MTA3: variants seen among roughly 807,000 people sequenced by gnomAD.
MTA3 encodes the protein metastasis associated 1 family member 3, also known as metastasis-associated protein MTA3.
A neutral mutation model predicts 83.5 loss-of-function variants in MTA3; 34 were observed. The ratio of observed to expected loss-of-function variants is 0.41; its 90% CI spans 0.31 to 0.54. MTA3 has a LOEUF of 0.54. Among genes scored for constraint, MTA3 ranks in the 20% least tolerant of loss-of-function variants. The pLI is 0.33. For synonymous variants in MTA3, 303 were observed against 252.7 expected (o/e 1.20, Z -1.89); for missense variants, 761 against 726.4 (o/e 1.05, Z -0.55).
intron 2 of MTA3, among the ~76,000 whole-genome samples, chr2:42,519,924 C>G (rs566989890): frequency 6.6e-6 from 1 of 152,172 alleles, no homozygotes; most frequent in East Asian, 1.9e-4. Flanking sequence ...TGCCTGTAAT[C>G]CCAGCTACTC....
intron 2 of MTA3, among the ~76,000 whole-genome samples, chr2:42,523,885 C>G (rs535444582): frequency 6.6e-6 from 1 of 152,060 alleles, no homozygotes; most frequent in Non-Finnish European, 1.5e-5. Context: ...CCATTGCACT[C>G]CAACCTGGGT....
intron 3 of MTA3, among the ~76,000 whole-genome samples, chr2:42,602,054 T>A (rs1288230656): frequency 6.6e-6 from 1 of 152,224 alleles, no homozygotes; most frequent in Non-Finnish European, 1.5e-5. Context: ...TTGGCCAGGC[T>A]GGTCTCGAAC....
chr2:42,741,651 G>A (rs1334730075), intron 16 of MTA3, among the ~76,000 whole-genome samples: 1 of 152,176 alleles, frequency 6.6e-6, no homozygotes, highest in Non-Finnish European at 1.5e-5. Context: ...GGAGCAGTCA[G>A]AGGACACATA....
chr2:42,556,937 G>C (rs1156743861), intron 2 of MTA3, among the ~76,000 whole-genome samples: 1 of 152,178 alleles, frequency 6.6e-6, no homozygotes, highest in Non-Finnish European at 1.5e-5. Flanking sequence ...TCAGGAGCCA[G>C]CCAAGATCAA....
rs1681630627 is a variant in MTA3, at chr2:42,595,111, T to TTTTC, written c.191-14344_191-14343insCTTT. On this transcript the variant is annotated intron_variant, in intron 3 of 16. Coordinates refer to ENST00000405094, the MANE Select transcript of MTA3 (RefSeq NM_001330442.2). ...TAAGGCTAAACAGGAGCTTCATTTT[T>TTTTC]TTTTTTTTTTTTTTTTGAGACAGAG... 5.4e-5 allele frequency among the ~76,000 whole-genome samples: 7 copies of TTTTC among 128,778 alleles called. 1 individual carries two copies. The highest frequency in any genetic ancestry group is 2.4e-4 in the Admixed American group (3 of 12,258). 84.5% of individuals were successfully genotyped at this position (128,778 alleles called of 152,430 possible).
At chr2:42,542,574 C>T (rs988673580) in intron 2 of MTA3, among the ~76,000 whole-genome samples, 13 of 152,078 alleles carry the variant, frequency 8.5e-5, no homozygotes, top group Non-Finnish European at 1.6e-4. Context: ...TATTTTGAGA[C>T]GGAGTCTCAC....
At chr2:42,555,604 C>CA (rs35757918) in intron 2 of MTA3, among the ~76,000 whole-genome samples, 8,206 of 131,178 alleles carry the variant, frequency 0.063, 294 homozygotes, top group Middle Eastern at 0.12. Flanking sequence ...ACTAAAAATA[C>CA]AAAAAAAAAA....
intron 3 of MTA3, among the ~76,000 whole-genome samples, chr2:42,581,012 G>A (rs550532209): frequency 8.5e-5 from 13 of 152,268 alleles, no homozygotes; most frequent in Middle Eastern, 6.8e-3. Flanking sequence ...CTTGAGAGTC[G>A]TTGCCCACTG....
chr2:42,697,887 G>A, intron 11 of MTA3, 53 bp downstream of exon 11: 2 of 1,265,074 alleles, frequency 1.6e-6, no homozygotes, highest in Non-Finnish European at 1.1e-6. Context: ...TTTTATCATT[G>A]CAGAATATGT....
chr2:42,571,616 C>A (rs1441486147), intron 2 of MTA3, among the ~76,000 whole-genome samples: 9 of 151,828 alleles, frequency 5.9e-5, no homozygotes, highest in African/African-American at 1.9e-4. Flanking sequence ...TTTCCTCTTC[C>A]AGGTTTAGAA....
At position 42,588,909 on chromosome 2, in the gene MTA3, C is replaced by A. The variant is rs1042458270; in HGVS notation, c.190+9709C>A. On this transcript the variant is annotated intron_variant, in intron 3 of 16. Coordinates refer to ENST00000405094, the MANE Select transcript of MTA3 (RefSeq NM_001330442.2). ...TACATAATTGCTGGGGCTGGCTAGG[C>A]AAGTCTGAAATCCACAGGGAGGCTG... Among the ~76,000 whole-genome samples the A allele has an allele frequency of 3.3e-5, 5 of 152,148 alleles. No homozygotes were observed. The South Asian group carries it at 1.0e-3, about 32-fold the overall frequency.
chr2:42,752,928 C>CTTTTTTT (rs369993784), intron 16 of MTA3, among the ~76,000 whole-genome samples: 1 of 139,916 alleles, frequency 7.1e-6, no homozygotes, highest in Non-Finnish European at 1.5e-5. Flanking sequence ...CATTGTGAGC[C>CTTTTTTT]CTTTTTTTTT....
intron 6 of MTA3, among the ~76,000 whole-genome samples, chr2:42,654,209 C>T (rs764941745): frequency 2.0e-5 from 3 of 152,204 alleles, no homozygotes; most frequent in Non-Finnish European, 4.4e-5. Flanking sequence ...ACAGAATGGG[C>T]AGGTCTTTAA....
chr2:42,624,682 A>G (rs1364152758), intron 4 of MTA3, among the ~76,000 whole-genome samples: 1 of 152,090 alleles, frequency 6.6e-6, no homozygotes, highest in Non-Finnish European at 1.5e-5. Context: ...ACTTTGTCAG[A>G]CTCAATCACT....
intron 8 of MTA3, among the ~76,000 whole-genome samples, chr2:42,668,476 A>T (rs1174181399): frequency 2.0e-5 from 3 of 152,158 alleles, no homozygotes; most frequent in Non-Finnish European, 4.4e-5. Flanking sequence ...TTCCCACATG[A>T]CATCAACTTG....
rs1403746660 is a variant in MTA3, at chr2:42,663,595, T to TACAAA, written c.702+3749_702+3753dup. On this transcript the variant is annotated intron_variant, in intron 8 of 16. Coordinates refer to ENST00000405094, the MANE Select transcript of MTA3 (RefSeq NM_001330442.2). The stretch of plus-strand genomic sequence containing the variant: ...AGGCAACATAACAAGACTCTGTCTC[T>TACAAA]ACAAAACAAAACAAAACAAATTAGC... 7.9e-5 allele frequency among the ~76,000 whole-genome samples: 12 copies of TACAAA among 152,236 alleles called. No homozygotes were observed. In the East Asian group the frequency reaches 1.4e-3, roughly 17 times the overall value.
At chr2:42,652,357 T>C (rs1016602746) in intron 6 of MTA3, among the ~76,000 whole-genome samples, 1 of 152,206 alleles carries the variant, frequency 6.6e-6, no homozygotes, top group African/African-American at 2.4e-5. Flanking sequence ...AGATTTCCTC[T>C]ACATATGCAG....
chr2:42,558,543 C>T (rs1429354959), intron 2 of MTA3, among the ~76,000 whole-genome samples: 4 of 151,442 alleles, frequency 2.6e-5, no homozygotes, highest in African/African-American at 9.7e-5. Flanking sequence ...AGGCACCACA[C>T]CCAGCCTTTA....
chr2:42,700,461 T>C (rs1418963583), intron 11 of MTA3, among the ~76,000 whole-genome samples: 2 of 152,216 alleles, frequency 1.3e-5, no homozygotes, highest in Non-Finnish European at 2.9e-5. Context: ...ATTATTATCA[T>C]TAAGACAAGT....
Sources: allele counts gnomAD v4.1 joint callset (sites outside exome capture counted in the v4.1 genomes callset), GRCh38; gene constraint gnomAD v4.1.1; transcripts MANE v1.5; gene names NCBI Gene and HGNC (gene_info 2026-07-23, HGNC 2026-07-21).